Variants in SIGLEC1 observed in about 807,000 individuals in gnomAD.
SIGLEC1 encodes the protein sialic acid binding Ig like lectin 1, also known as sialoadhesin.
In SIGLEC1, 132 loss-of-function variants were observed where a neutral mutation model predicts 148.0. The observed-to-expected ratio is 0.89, with a 90% CI of 0.77 to 1.03. SIGLEC1 has a LOEUF of 1.03. Among genes scored for constraint, SIGLEC1 ranks in the 50% least tolerant of loss-of-function variants. The pLI, the probability that SIGLEC1 is intolerant of heterozygous loss-of-function variation, is 0.00. For missense variants in SIGLEC1, 2,253 were observed against 2,271.4 expected (o/e 0.99, Z 0.16); for synonymous variants, 945 against 969.0 (o/e 0.98, Z 0.46).
chr20:3,697,444 GC>G, intron 9 of SIGLEC1, 102 bp from the exon 10 acceptor site: 1 of 1,474,234 alleles, frequency 6.8e-7, no homozygotes, highest in Non-Finnish European at 9.3e-7. Context: ...CCCCTGGGGT[GC>G]CCACAGGGTT....
At position 3,701,747 on chromosome 20, in the gene SIGLEC1, T is replaced by A. The variant is rs617118; in HGVS notation, c.1229-106A>T. On this transcript the variant is annotated intron_variant, in intron 6 of 21. Coordinates refer to ENST00000344754, the MANE Select transcript of SIGLEC1 (RefSeq NM_023068.4). ...CACCGCTTTGTCCCACACTGCCCTG[T>A]GAGAAGGGGGTGATCCCAAAGTGCC... 6.3e-5 allele frequency: 71 copies of A among 1,125,312 alleles called. 1 individual carries two copies. The East Asian group carries it at 7.5e-4, about 12-fold the overall frequency. The allele number at this position is 1,125,312 out of a possible 1,614,324, so 69.7% of individuals were successfully genotyped here.
intron 19 of SIGLEC1, 67 bp downstream of exon 19, chr20:3,689,895 A>C: frequency 7.2e-7 from 1 of 1,383,760 alleles, no homozygotes; most frequent in Non-Finnish European, 1.0e-6. Flanking sequence ...CAGGGAAGGA[A>C]GCCTTTGGGC....
rs201147186 is a variant in SIGLEC1, at chr20:3,696,547, C to T, written c.2683+39G>A. 69 of 1,553,364 alleles carry T rather than the reference C, an allele frequency of 4.4e-5. No homozygotes were observed. In the Middle Eastern group the frequency reaches 5.2e-4, roughly 12 times the overall value. On this transcript the variant is annotated intron_variant, in intron 11 of 21. Coordinates refer to ENST00000344754, the MANE Select transcript of SIGLEC1 (RefSeq NM_023068.4). Reference sequence around the variant, plus strand: ...AGTCTGACCAGAGTAGTCCCCAGGGCATCAGAGTCTACCATATCTTCAGAA... The same window carrying T: ...AGTCTGACCAGAGTAGTCCCCAGGGTATCAGAGTCTACCATATCTTCAGAA...
rs2087871894 is a variant in SIGLEC1, at chr20:3,703,861, A to G, written c.937T>C (p.Ser313Pro). Residue 313 changes from serine to proline, a missense_variant, in exon 5 of 22, where the codon TCT becomes CCT. Ser to Pro is a moderately conservative substitution (Grantham distance 74). Coordinates refer to ENST00000344754, the MANE Select transcript of SIGLEC1 (RefSeq NM_023068.4). ...YTCQAENGVG[S>P]LVSPPISLHI... is the part of the protein sequence containing the mutation. ...AGGCTGATGGGGGGTGAGACCAAAG[A>G]GCCCACGCCGTTCTCAGCTTGGCAG... The G allele has an allele frequency of 1.9e-6, 3 of 1,614,090 alleles. No individual in the cohort carries two copies. Among genetic ancestry groups the G allele is most frequent in the Non-Finnish European group, 2.5e-6 (3 of 1,180,028 alleles).
intron 11 of SIGLEC1, among the ~76,000 whole-genome samples, chr20:3,696,129 T>TATATATATATATACACACACACAC (rs11087599): frequency 7.0e-6 from 1 of 142,424 alleles, no homozygotes; most frequent in African/African-American, 2.7e-5. Flanking sequence ...ACTATATATA[T>TATATATATATATACACACACACAC]ACACACACAC....
Position 3,692,095 on chromosome 20 carries a change from A to C in SIGLEC1, c.4138T>G (p.Ser1380Ala), listed in dbSNP as rs143664589. The change falls in exon 17 of 22, where the codon TCT becomes GCT. Residue 1380 changes from serine (S) to alanine (A), a missense_variant. Ser to Ala is a moderately conservative substitution (Grantham distance 99). Transcript: ENST00000344754. Reference protein sequence around the residue: ...DSEPPAELALSHDGKVLATSS... With the variant: ...DSEPPAELALAHDGKVLATSS... ...GTGGCCAGCACCTTGCCATCATGAGATAGGGCCAGCTCAGCAGGTGGCTCA... is the reference window on the plus strand; with the variant it reads ...GTGGCCAGCACCTTGCCATCATGAGCTAGGGCCAGCTCAGCAGGTGGCTCA... The C allele has an allele frequency of 1.2e-5, 19 of 1,609,270 alleles. No homozygotes were observed. The highest frequency in any genetic ancestry group is 1.7e-4 in the Middle Eastern group (1 of 5,932).
In SIGLEC1 at chr20:3,703,432, G is replaced by T. The variant is rs560061570; in HGVS notation, c.993C>A (p.Ser331Arg). ...LHIFMAEVQV[S>R]PAGPILENQT... is the part of the protein sequence containing the mutation. ...GGTTCTCCAGGATGGGACCTGCTGGGCTCACCTGGACCTCAGCCACTGCAA... is the reference window on the plus strand; with the variant it reads ...GGTTCTCCAGGATGGGACCTGCTGGTCTCACCTGGACCTCAGCCACTGCAA... Residue 331 changes from serine to arginine, a missense_variant, in exon 6 of 22, where the codon AGC (serine) becomes AGA (arginine). Physicochemically the swap from Ser to Arg is moderately radical, Grantham distance 110. Coordinates refer to ENST00000344754, the MANE Select transcript of SIGLEC1 (RefSeq NM_023068.4). The T allele has an allele frequency of 1.6e-4, 247 of 1,579,154 alleles. 1 individual carries two copies. The South Asian group carries it at 2.7e-3, about 17-fold the overall frequency.
In SIGLEC1 at chr20:3,706,783, C is replaced by G. The variant is rs913639695; in HGVS notation, c.50-77G>C. 13 of 1,444,796 alleles carry G rather than the reference C, an allele frequency of 9.0e-6. No individual in the cohort carries two copies. In the East Asian group the frequency reaches 3.0e-4, roughly 33 times the overall value. 89.5% of individuals were successfully genotyped at this position (1,444,796 alleles called of 1,614,324 possible). A position where few individuals can be genotyped will look rare whatever the true frequency, so the allele number is the denominator to read the frequency against. On this transcript the variant is annotated intron_variant, in intron 2 of 21. Coordinates refer to ENST00000344754, the MANE Select transcript of SIGLEC1 (RefSeq NM_023068.4). ...GTGCCACAGAGCCCTGCGACCTGCCCCAGAGAAGGTGCCCCAGCTGGGCTC... is the reference window on the plus strand; with the variant it reads ...GTGCCACAGAGCCCTGCGACCTGCCGCAGAGAAGGTGCCCCAGCTGGGCTC...
At chr20:3,689,727 G>A (rs764585555) in intron 19 of SIGLEC1, 25 bp from the exon 20 acceptor site, 15 of 1,541,756 alleles carry the variant, frequency 9.7e-6, no homozygotes, top group Non-Finnish European at 1.1e-5. Context: ...GGGACTCAGA[G>A]CAGCCACAGC....
At chr20:3,693,937 C>T (rs1165856542) in intron 13 of SIGLEC1, among the ~76,000 whole-genome samples, 2 of 152,174 alleles carry the variant, frequency 1.3e-5, no homozygotes, top group Non-Finnish European at 2.9e-5. Context: ...CCCTCCCTGA[C>T]CCTGGCTGGG....
At chr20:3,694,625 T>C (rs2146522162) in intron 12 of SIGLEC1, 38 bp downstream of exon 12, 1 of 1,587,452 alleles carries the variant, frequency 6.3e-7, no homozygotes, top group Non-Finnish European at 8.6e-7. Context: ...GGGGACTGCA[T>C]TCCTTCCCCC....
intron 1 of SIGLEC1, among the ~76,000 whole-genome samples, chr20:3,711,429 A>G (rs1304097159): frequency 6.6e-6 from 1 of 152,112 alleles, no homozygotes. Flanking sequence ...CCAGAGGCCA[A>G]GTTTAGCTGG....
chr20:3,701,740 T>C, intron 6 of SIGLEC1, 99 bp from the exon 7 acceptor site: 1 of 1,203,742 alleles, frequency 8.3e-7, no homozygotes, highest in African/African-American at 1.5e-5. Context: ...TGTCCCACAC[T>C]GCCCTGTGAG....
chr20:3,691,383 G>C lies in SIGLEC1; in HGVS notation c.4548C>G (p.Pro1516=). ...CTGGAGCAGAGGCAGCAGCCCCAGT[G>C]GGGAGCTCAGCCAGGCAGTGGTACA... ...AGMYHCLAEL[P]TGAAASAPVM... Residue 1516 remains proline, a synonymous_variant, in exon 18 of 22, where the codon CCC becomes CCG. Coordinates refer to ENST00000344754, the MANE Select transcript of SIGLEC1 (RefSeq NM_023068.4). 1 of 1,613,444 alleles carries C rather than the reference G, an allele frequency of 6.2e-7. No individual in the cohort carries two copies. Among genetic ancestry groups the C allele is most frequent in the Non-Finnish European group, 8.5e-7 (1 of 1,180,040 alleles).
At chr20:3,689,281 C>G in intron 20 of SIGLEC1, 54 bp from the exon 21 acceptor site, 7 of 1,458,378 alleles carry the variant, frequency 4.8e-6, no homozygotes, top group Non-Finnish European at 6.7e-6. Flanking sequence ...CCTCCTGCCC[C>G]CATTCCTCTC....
Position 3,689,197 on chromosome 20 carries a change from G to T in SIGLEC1, c.5028C>A (p.Gly1676=), listed in dbSNP as rs138231509. 3 of 1,613,954 alleles carry T rather than the reference G, an allele frequency of 1.9e-6. No individual in the cohort carries two copies. Among genetic ancestry groups the T allele is most frequent in the Non-Finnish European group, 2.5e-6 (3 of 1,180,000 alleles). ...RRRRVCKQSM[G]ENSVEMAFQK... is the part of the protein sequence containing the mutation. ...GAAAAGCCATCTCCACCGAATTCTC[G>T]CCCATGCTCTGCTTACAAACACGCC... The change falls in exon 21 of 22, where the codon GGC becomes GGA. Residue 1676 remains glycine, a synonymous_variant. Transcript: ENST00000344754.
In SIGLEC1 at chr20:3,703,187, G is replaced by A; in HGVS notation, c.1228+10C>T. Reference sequence around the variant, plus strand: ...ACTGTGTCCAGTGCCACCCCACCCTGGCCTCTTACGGTTGACTACCACGCT... The same window carrying A: ...ACTGTGTCCAGTGCCACCCCACCCTAGCCTCTTACGGTTGACTACCACGCT... On this transcript the variant is annotated intron_variant, in intron 6 of 21. Coordinates refer to ENST00000344754, the MANE Select transcript of SIGLEC1 (RefSeq NM_023068.4). The A allele has an allele frequency of 1.2e-6, 2 of 1,613,530 alleles. No homozygotes were observed. The highest frequency in any genetic ancestry group is 1.7e-6 in the Non-Finnish European group (2 of 1,179,936).
chr20:3,702,555 T>C lies in SIGLEC1; in HGVS notation c.1228+642A>G, dbSNP rs995088455. Among the ~76,000 whole-genome samples, 193 of 150,332 alleles carry C rather than the reference T, an allele frequency of 1.3e-3. 1 individual carries two copies. Among genetic ancestry groups the C allele is most frequent in the African/African-American group, 4.5e-3 (185 of 40,710 alleles). ...GTGAGCCAAGATAGCACCATTGCAC[T>C]CCAGCCTGGGCAACACAGTGAGACT... On this transcript the variant is annotated intron_variant, in intron 6 of 21. Coordinates refer to ENST00000344754, the MANE Select transcript of SIGLEC1 (RefSeq NM_023068.4).
Position 3,696,129 on chromosome 20 carries a change from T to TATATATATATACAC in SIGLEC1, c.2683+456_2683+457insGTGTATATATATAT, listed in dbSNP as rs11087599. Among the ~76,000 whole-genome samples the TATATATATATACAC allele has an allele frequency of 3.9e-4, 56 of 142,424 alleles. 1 individual carries two copies. Among genetic ancestry groups the TATATATATATACAC allele is most frequent in the African/African-American group, 1.4e-3 (50 of 36,474 alleles). The allele number at this position is 142,424 out of a possible 152,430, so 93.4% of individuals were successfully genotyped here. On this transcript the variant is annotated intron_variant, in intron 11 of 21. Coordinates refer to ENST00000344754, the MANE Select transcript of SIGLEC1 (RefSeq NM_023068.4). ...AGGATTTTTATAGAGACTATATATA[T>TATATATATATACAC]ACACACACACAAACACACACACACA...
Sources: allele counts gnomAD v4.1 joint callset (sites outside exome capture counted in the v4.1 genomes callset), GRCh38; gene constraint gnomAD v4.1.1; transcripts MANE v1.5; gene names NCBI Gene and HGNC (gene_info 2026-07-23, HGNC 2026-07-21).